The following PTPRJ variants were observed in gnomAD, a reference collection of about 807,000 sequenced individuals.
PTPRJ encodes receptor-type tyrosine-protein phosphatase eta.
A neutral mutation model predicts 141.3 loss-of-function variants in PTPRJ; 129 were observed. That is an observed-to-expected ratio of 0.91 (90% confidence interval 0.79 to 1.06). The LOEUF (loss-of-function observed/expected upper bound fraction) is 1.06. PTPRJ is among the 50% of genes least tolerant of loss of function. The pLI, the probability that PTPRJ is intolerant of heterozygous loss-of-function variation, is 0.00. For synonymous variants in PTPRJ, 610 were observed against 640.5 expected, an observed-to-expected ratio of 0.95 and a Z score of 0.72; for missense variants, 1,601 against 1,679.7, an observed-to-expected ratio of 0.95 and a Z score of 0.82.
chr11:48,127,702 A>G, intron 6 of PTPRJ, 78 bp from the exon 7 acceptor site: 1 of 1,470,560 alleles, frequency 6.8e-7, no homozygotes, highest in Non-Finnish European at 9.4e-7. Flanking sequence ...GCTGGGCTTG[A>G]CAGCATGCCC....
intron 11 of PTPRJ, among the ~76,000 whole-genome samples, chr11:48,141,585 A>G (rs1294264383): frequency 1.3e-5 from 2 of 152,128 alleles, no homozygotes; most frequent in Non-Finnish European, 2.9e-5. Context: ...TCAGCTGACC[A>G]GCTGATCCTG....
chr11:48,088,815 T>C (rs10769315), intron 1 of PTPRJ, among the ~76,000 whole-genome samples: 101,133 of 152,020 alleles, frequency 0.67, 37,112 homozygotes, highest in East Asian at 0.85. Context: ...TCCTTGGTTT[T>C]TCTACTGAGG....
rs571518742 is a variant in PTPRJ at position 48,066,355 on chromosome 11, G to A, written c.97-43703G>A. Among the ~76,000 whole-genome samples the A allele has an allele frequency of 2.4e-4, 36 of 152,156 alleles. No homozygotes were observed. In the South Asian group the frequency reaches 3.9e-3, roughly 17 times the overall value. On this transcript the variant is annotated intron_variant, in intron 1 of 24. Coordinates refer to ENST00000418331, the MANE Select transcript of PTPRJ (RefSeq NM_002843.4). ...AAAGCTTGTGTATTTTATACATTAA[G>A]TATCATAAATATGTAGTTACCCTAA...
intron 1 of PTPRJ, among the ~76,000 whole-genome samples, chr11:48,070,979 T>C (rs1855230873): frequency 1.3e-5 from 2 of 152,240 alleles, no homozygotes; most frequent in Non-Finnish European, 2.9e-5. Flanking sequence ...TAGTGCTGTA[T>C]GATAGGACCT....
chr11:48,104,057 A>G (rs1381882556), intron 1 of PTPRJ, among the ~76,000 whole-genome samples: 3 of 152,196 alleles, frequency 2.0e-5, no homozygotes, highest in Admixed American at 6.5e-5. Context: ...TGAAGTTCAG[A>G]GAGTTTATTT....
chr11:48,153,985 T>C, intron 19 of PTPRJ, 99 bp downstream of exon 19: 6 of 813,456 alleles, frequency 7.4e-6, no homozygotes, highest in South Asian at 7.2e-5. Flanking sequence ...AAGTAACCAC[T>C]TCCACAACCA....
At chr11:48,149,734 C>G in intron 16 of PTPRJ, 1 of 537,152 alleles carries the variant, frequency 1.9e-6, no homozygotes, top group Non-Finnish European at 3.3e-6. Context: ...ATTAAAAAAA[C>G]GTCAAATAGG....
chr11:48,031,566 A>G (rs375401948), intron 1 of PTPRJ, among the ~76,000 whole-genome samples: 2 of 152,206 alleles, frequency 1.3e-5, no homozygotes, highest in African/African-American at 4.8e-5. Flanking sequence ...GTGGGATCAC[A>G]TCGCGGGATG....
chr11:48,146,571 G>T (rs1395851058), intron 14 of PTPRJ, among the ~76,000 whole-genome samples: 1 of 152,194 alleles, frequency 6.6e-6, no homozygotes, highest in East Asian at 1.9e-4. Context: ...TGAAAATCCA[G>T]CCCAGTTCCC....
At position 48,146,906 on chromosome 11, in the gene PTPRJ, T is replaced by A. The variant is rs1309654412; in HGVS notation, c.2942T>A (p.Ile981Asn). Residue 981 changes from isoleucine to asparagine, a missense_variant, in exon 15 of 25, where the codon ATC becomes AAC. By Grantham distance (149) the Ile-to-Asn change is moderately radical (BLOSUM62 -3). Transcript: ENST00000418331. ...ATCTGTGGAGCGGTTTTTGGCTGTA[T>A]CTTTGGTGCCCTGGTTATTGTGACT... ...GVICGAVFGC[I>N]FGALVIVTVG... The A allele has an allele frequency of 1.2e-6, 2 of 1,614,154 alleles. No homozygotes were observed. Among genetic ancestry groups the A allele is most frequent in the South Asian group, 1.1e-5 (1 of 91,078 alleles).
Position 48,130,621 on chromosome 11 carries a change from G to A in PTPRJ, c.1520G>A (p.Gly507Asp), listed in dbSNP as rs374658783. The A allele has an allele frequency of 5.1e-5, 82 of 1,613,974 alleles. No individual in the cohort carries two copies. Among genetic ancestry groups the A allele is most frequent in the Non-Finnish European group, 6.8e-5 (80 of 1,179,988 alleles). The change falls in exon 8 of 25, where the codon GGT (glycine) becomes GAT (aspartate). Residue 507 changes from glycine to aspartate, a missense_variant. Gly to Asp is a moderately conservative substitution (Grantham distance 94). Coordinates refer to ENST00000418331, the MANE Select transcript of PTPRJ (RefSeq NM_002843.4). ...EITTNQSIII[G>D]GLFPGTKYCF... is the part of the protein sequence containing the mutation. ...ACCACCAACCAAAGTATTATCATTG[G>A]TGGCTTGTTCCCTGGAACCAAGTAT...
At chr11:48,050,683 A>C (rs1854542032) in intron 1 of PTPRJ, among the ~76,000 whole-genome samples, 1 of 150,510 alleles carries the variant, frequency 6.6e-6, no homozygotes, top group African/African-American at 2.5e-5. Context: ...AATCCAATTT[A>C]TAAAAAACCT....
intron 1 of PTPRJ, among the ~76,000 whole-genome samples, chr11:48,061,553 G>T (rs1167588142): frequency 6.6e-6 from 1 of 152,180 alleles, no homozygotes; most frequent in South Asian, 2.1e-4. Context: ...CTGTTCGGTG[G>T]ATGAGGAAAC....
intron 6 of PTPRJ, among the ~76,000 whole-genome samples, chr11:48,126,823 T>A (rs113826060): frequency 7.1e-6 from 1 of 141,014 alleles, no homozygotes; most frequent in African/African-American, 2.7e-5. Context: ...CACACACAGA[T>A]AAACACACAT....
chr11:48,047,204 C>T (rs1414793230), intron 1 of PTPRJ, among the ~76,000 whole-genome samples: 4 of 152,184 alleles, frequency 2.6e-5, no homozygotes, highest in African/African-American at 9.6e-5. Context: ...GCATGAGCCA[C>T]AGTGCCAGGC....
intron 1 of PTPRJ, among the ~76,000 whole-genome samples, chr11:48,077,170 C>CT (rs1477624990): frequency 1.3e-5 from 2 of 151,354 alleles, no homozygotes; most frequent in Admixed American, 1.3e-4. Flanking sequence ...CTGGCCAAGT[C>CT]TTTTTTCTTT....
chr11:48,112,690 A>T lies in PTPRJ; in HGVS notation c.116-57A>T. Reference sequence around the variant, plus strand: ...GTGTAAATATTTTGTGAGGTGGGGCATCCCTGTCTCCTGGAGAAATATATT... The same window carrying T: ...GTGTAAATATTTTGTGAGGTGGGGCTTCCCTGTCTCCTGGAGAAATATATT... On this transcript the variant is annotated intron_variant, in intron 2 of 24. Transcript: ENST00000418331. 4 of 1,287,246 alleles carry T rather than the reference A, an allele frequency of 3.1e-6. No individual in the cohort carries two copies. In the South Asian group the frequency reaches 3.7e-5, roughly 12 times the overall value. 79.7% of individuals were successfully genotyped at this position (1,287,246 alleles called of 1,614,324 possible). A position where few individuals can be genotyped will look rare whatever the true frequency, so the allele number is the denominator to read the frequency against.
intron 6 of PTPRJ, 67 bp from the exon 7 acceptor site, chr11:48,127,713 T>C: frequency 6.5e-7 from 1 of 1,535,578 alleles, no homozygotes; most frequent in Non-Finnish European, 8.9e-7. Flanking sequence ...CAGCATGCCC[T>C]GATGACCTCT....
At chr11:48,032,755 A>G (rs1854015538) in intron 1 of PTPRJ, among the ~76,000 whole-genome samples, 1 of 152,184 alleles carries the variant, frequency 6.6e-6, no homozygotes, top group African/African-American at 2.4e-5. Context: ...GCAAAACTCC[A>G]TCTCAAAAAA....
Sources: allele counts gnomAD v4.1 joint callset (sites outside exome capture counted in the v4.1 genomes callset), GRCh38; gene constraint gnomAD v4.1.1; transcripts MANE v1.5; gene names NCBI Gene and HGNC (gene_info 2026-07-23, HGNC 2026-07-21).